CDH13: variants seen among roughly 807,000 people sequenced by gnomAD.
CDH13 encodes the protein cadherin 13.
A neutral mutation model predicts 63.8 loss-of-function variants in CDH13; 24 were observed. The observed-to-expected ratio is 0.38, with a 90% CI of 0.27 to 0.53. CDH13 has a LOEUF of 0.53. Among genes scored for constraint, CDH13 ranks in the 20% least tolerant of loss-of-function variants. CDH13 has a pLI of 0.85. For synonymous variants in CDH13, 503 were observed against 355.3 expected (o/e 1.42, Z -4.67); for missense variants, 1,049 against 903.1 (o/e 1.16, Z -2.07).
intron 7 of CDH13, among the ~76,000 whole-genome samples, chr16:83,576,852 T>C (rs1322867169): frequency 2.0e-5 from 3 of 152,256 alleles, no homozygotes; most frequent in Non-Finnish European, 4.4e-5. Flanking sequence ...ATTTTAACTA[T>C]GTTGTAGAGT....
At chr16:82,629,922 T>TA (rs1907805984) in intron 1 of CDH13, among the ~76,000 whole-genome samples, 1 of 152,220 alleles carries the variant, frequency 6.6e-6, no homozygotes, top group African/African-American at 2.4e-5. Flanking sequence ...GGGTAGCACT[T>TA]ACAACTAACC....
At chr16:82,707,438 A>C (rs762250621) in intron 1 of CDH13, among the ~76,000 whole-genome samples, 3 of 152,244 alleles carry the variant, frequency 2.0e-5, no homozygotes, top group Non-Finnish European at 4.4e-5. Flanking sequence ...CAGAAGGAGT[A>C]AGAAGTATCC....
chr16:83,643,068 G>A (rs1232327227), intron 8 of CDH13, among the ~76,000 whole-genome samples: 2 of 35,176 alleles, frequency 5.7e-5, no homozygotes, highest in East Asian at 1.7e-3. Context: ...TCACTCATAG[G>A]TGGGAATTGA....
chr16:82,915,456 G>A (rs1268612496), intron 2 of CDH13, among the ~76,000 whole-genome samples: 1 of 152,114 alleles, frequency 6.6e-6, no homozygotes, highest in Non-Finnish European at 1.5e-5. Flanking sequence ...GCCCAAAGAC[G>A]CCAGAGTGCT....
chr16:82,749,280 T>G (rs1330793912), intron 1 of CDH13, among the ~76,000 whole-genome samples: 1 of 152,138 alleles, frequency 6.6e-6, no homozygotes, highest in East Asian at 1.9e-4. Context: ...AGCTTCCCCA[T>G]TACATGCACC....
At position 82,644,423 on chromosome 16, in the gene CDH13, C is replaced by G. The variant is rs1909827364; in HGVS notation, c.45+17286C>G. On this transcript the variant is annotated intron_variant, in intron 1 of 13. Coordinates refer to ENST00000567109, the MANE Select transcript of CDH13 (RefSeq NM_001257.5). The surrounding 1 kb of genome is among the most constrained non-coding windows in gnomAD (Gnocchi z 5.7). ...CCTTAACCATGGAACGTACTCCTGT[C>G]TGCCCTCACTCGTGGGTTGATGATT... Among the ~76,000 whole-genome samples, 1 of 152,148 alleles carries G rather than the reference C, an allele frequency of 6.6e-6. No individual in the cohort carries two copies. The highest frequency in any genetic ancestry group is 1.5e-5 in the Non-Finnish European group (1 of 68,044).
chr16:83,526,640 C>T (rs1348818092), intron 7 of CDH13, among the ~76,000 whole-genome samples: 3 of 152,184 alleles, frequency 2.0e-5, no homozygotes, highest in African/African-American at 4.8e-5. Context: ...AGTTCTGGTC[C>T]GTGGCCCGGG....
chr16:83,002,703 A>G (rs1379396067), intron 2 of CDH13, among the ~76,000 whole-genome samples: 1 of 152,178 alleles, frequency 6.6e-6, no homozygotes, highest in Non-Finnish European at 1.5e-5. Flanking sequence ...CATGATCATC[A>G]GGAAAGATGC....
intron 2 of CDH13, among the ~76,000 whole-genome samples, chr16:82,916,710 A>G (rs1327708703): frequency 6.6e-6 from 1 of 152,222 alleles, no homozygotes; most frequent in Non-Finnish European, 1.5e-5. Context: ...TGTTTGTTAA[A>G]ATATTTTAAA....
intron 13 of CDH13, among the ~76,000 whole-genome samples, chr16:83,792,812 C>A (rs1191204087): frequency 1.3e-5 from 2 of 152,240 alleles, no homozygotes; most frequent in African/African-American, 4.8e-5. Flanking sequence ...AACATCTTAA[C>A]ATTCTTTCTA....
chr16:83,285,468 C>A (rs991979585), intron 5 of CDH13, among the ~76,000 whole-genome samples: 1 of 150,636 alleles, frequency 6.6e-6, no homozygotes, highest in Non-Finnish European at 1.5e-5. Context: ...CAGGTGGTCA[C>A]AGATATCCAC....
intron 5 of CDH13, among the ~76,000 whole-genome samples, chr16:83,238,054 G>T (rs113799525): frequency 4.7e-4 from 72 of 152,050 alleles, no homozygotes; most frequent in Non-Finnish European, 8.5e-4. Context: ...TTGGAATCCT[G>T]GTTACCAAAT....
intron 1 of CDH13, among the ~76,000 whole-genome samples, chr16:82,631,054 A>G (rs1035408009): frequency 6.6e-6 from 1 of 152,120 alleles, no homozygotes; most frequent in African/African-American, 2.4e-5. Context: ...TTTTCACTGT[A>G]TTTATTTCTG....
chr16:83,773,868 C>T (rs1466138216), intron 11 of CDH13, among the ~76,000 whole-genome samples: 1 of 152,182 alleles, frequency 6.6e-6, no homozygotes, highest in Non-Finnish European at 1.5e-5. Flanking sequence ...ACCACTACCC[C>T]ACAGAGGCCC....
At chr16:83,363,185 TAAAC>T (rs952999654) in intron 6 of CDH13, among the ~76,000 whole-genome samples, 3 of 152,202 alleles carry the variant, frequency 2.0e-5, no homozygotes, top group African/African-American at 7.2e-5. Context: ...CAGCACAGCT[TAAAC>T]ATCACAGGTT....
intron 4 of CDH13, among the ~76,000 whole-genome samples, chr16:83,182,756 G>A (rs935684789): frequency 2.0e-5 from 3 of 152,148 alleles, no homozygotes; most frequent in Non-Finnish European, 2.9e-5. Context: ...GGGAATGAGC[G>A]AAAACCAAAT....
intron 4 of CDH13, among the ~76,000 whole-genome samples, chr16:83,186,999 C>G (rs575790878): frequency 1.3e-5 from 2 of 151,972 alleles, no homozygotes; most frequent in South Asian, 4.2e-4. Flanking sequence ...GAGACGGAGT[C>G]TCGCTCTGTC....
At chr16:83,081,707 A>AGAG (rs1567811528) in intron 3 of CDH13, among the ~76,000 whole-genome samples, 44 of 150,760 alleles carry the variant, frequency 2.9e-4, no homozygotes, top group South Asian at 1.1e-3. Flanking sequence ...GAGAGAGAGA[A>AGAG]AGAGAGAGAG....
chr16:82,832,114 T>C (rs2038566880), intron 1 of CDH13, among the ~76,000 whole-genome samples: 1 of 152,204 alleles, frequency 6.6e-6, no homozygotes, highest in Non-Finnish European at 1.5e-5. Context: ...CAGAATGAAA[T>C]ATTTTATGTA....
Sources: allele counts gnomAD v4.1 joint callset (sites outside exome capture counted in the v4.1 genomes callset), GRCh38; gene constraint gnomAD v4.1.1; non-coding constraint Gnocchi (gnomAD v3.1); transcripts MANE v1.5; gene names NCBI Gene and HGNC (gene_info 2026-07-23, HGNC 2026-07-21).